Variants in TECR observed in about 807,000 individuals in gnomAD.
TECR encodes the protein trans-2,3-enoyl-CoA reductase, also known as very-long-chain enoyl-CoA reductase.
Under a neutral mutation model 50.6 loss-of-function variants are expected in TECR, and 19 were observed. The observed-to-expected ratio is 0.38, with a 90% CI of 0.26 to 0.55. The LOEUF (loss-of-function observed/expected upper bound fraction) is 0.55, where lower values mean the gene tolerates loss of function less well. Ranked by LOEUF, TECR falls within the 20% of genes least tolerant of loss-of-function variation. The pLI is 0.79. For synonymous variants in TECR, 168 were observed against 163.5 expected, an observed-to-expected ratio of 1.03 and a Z score of -0.21; for missense variants, 313 against 408.3, an observed-to-expected ratio of 0.77 and a Z score of 2.01.
chr19:14,565,423 GCGGC>G (rs1568433613), intron 11 of TECR, 133 bp downstream of exon 11: 1 of 1,364,838 alleles, frequency 7.3e-7, no homozygotes, highest in African/African-American at 1.4e-5. Context: ...GGTGGAGACC[GCGGC>G]CTCTCTGCTG....
chr19:14,538,397 G>A (rs1325767877), intron 1 of TECR, among the ~76,000 whole-genome samples: 1 of 152,094 alleles, frequency 6.6e-6, no homozygotes, highest in Non-Finnish European at 1.5e-5. Flanking sequence ...AGCATGCTTC[G>A]CGGCCCACAG....
chr19:14,543,197 C>T (rs2073160394), intron 1 of TECR, among the ~76,000 whole-genome samples: 1 of 148,956 alleles, frequency 6.7e-6, no homozygotes, highest in Non-Finnish European at 1.5e-5. Flanking sequence ...TTTCCCCAGA[C>T]ACCTCAAGTG....
chr19:14,532,028 AAAAG>A (rs1226521079), intron 1 of TECR: 3 of 150,638 alleles, frequency 2.0e-5, no homozygotes, highest in Non-Finnish European at 4.4e-5. Flanking sequence ...AAAAAAAAAA[AAAAG>A]CTACCATGTC....
At chr19:14,541,095 G>A (rs1215672008) in intron 1 of TECR, among the ~76,000 whole-genome samples, 2 of 152,128 alleles carry the variant, frequency 1.3e-5, no homozygotes, top group Non-Finnish European at 2.9e-5. Flanking sequence ...CGAAGTGCTG[G>A]GATTACAGGT....
intron 1 of TECR, among the ~76,000 whole-genome samples, chr19:14,551,858 T>A (rs2073520104): frequency 6.6e-6 from 1 of 151,824 alleles, no homozygotes; most frequent in Admixed American, 6.6e-5. Context: ...TTACCCTTAT[T>A]TCTTTATTTC....
intron 1 of TECR, chr19:14,530,447 T>C (rs1177813674): frequency 6.6e-6 from 1 of 152,256 alleles, no homozygotes; most frequent in Non-Finnish European, 1.5e-5. Context: ...CCCTGAATTA[T>C]TGCTGACTTT....
rs4926135 is a variant in TECR, at chr19:14,563,016, C to G, written c.67-190C>G. Reference sequence around the variant, plus strand: ...TGAGGGTAAAAGTGGAGCCCCAGACCCCTGCTGTCACTGCACTGGCAGGGC... The same window carrying G: ...TGAGGGTAAAAGTGGAGCCCCAGACGCCTGCTGTCACTGCACTGGCAGGGC... On this transcript the variant is annotated intron_variant, in intron 2 of 12. Transcript: ENST00000215567. The surrounding 1 kb of genome is among the most constrained non-coding windows in gnomAD (Gnocchi z 5.3). 1.5e-6 allele frequency: 1 copy of G among 667,502 alleles called. No homozygotes were observed. The highest frequency in any genetic ancestry group is 1.9e-5 in the South Asian group (1 of 53,932). The allele number at this position is 667,502 out of a possible 1,614,324, so 41.3% of individuals were successfully genotyped here. A position where few individuals can be genotyped will look rare whatever the true frequency, so the allele number is the denominator to read the frequency against.
chr19:14,542,347 G>GGTTTTTTTTTTTTTTT (rs2073124658), intron 1 of TECR, among the ~76,000 whole-genome samples: 1 of 43,282 alleles, frequency 2.3e-5, no homozygotes, highest in African/African-American at 8.1e-5. Flanking sequence ...ATGCCATAGT[G>GGTTTTTTTTTTTTTTT]TTTTTTTTTT....
chr19:14,546,107 G>A (rs1412833241), intron 1 of TECR, among the ~76,000 whole-genome samples: 1 of 152,140 alleles, frequency 6.6e-6, no homozygotes, highest in East Asian at 1.9e-4. Context: ...CGTCCCTGGG[G>A]ACCAAGTCCT....
intron 1 of TECR, among the ~76,000 whole-genome samples, chr19:14,552,371 C>G (rs968253581): frequency 7.3e-5 from 11 of 150,930 alleles, no homozygotes; most frequent in African/African-American, 2.4e-4. Context: ...GCCCTGCTCT[C>G]TAGGATGGAG....
At chr19:14,529,913 C>T in intron 1 of TECR, 1 of 740,964 alleles carries the variant, frequency 1.3e-6, no homozygotes, top group East Asian at 2.7e-5. Context: ...AAATCTGCAA[C>T]CCAGGCTGTT....
intron 1 of TECR, chr19:14,545,237 C>T: frequency 2.2e-6 from 1 of 456,464 alleles, no homozygotes; most frequent in Non-Finnish European, 4.4e-6. Context: ...AGCTGCTCCC[C>T]CTAAAATTTA....
At chr19:14,535,696 G>T (rs1391654389) in intron 1 of TECR, among the ~76,000 whole-genome samples, 10 of 137,316 alleles carry the variant, frequency 7.3e-5, no homozygotes, top group African/African-American at 2.8e-4. Context: ...TGGAGGTCGC[G>T]GACGAGCTGA....
chr19:14,553,410 C>G (rs1480575022), intron 1 of TECR, among the ~76,000 whole-genome samples: 1 of 152,154 alleles, frequency 6.6e-6, no homozygotes, highest in Admixed American at 6.5e-5. Flanking sequence ...TTCCTCCCCA[C>G]CCTGGGTGAC....
chr19:14,550,329 C>T lies in TECR; in HGVS notation c.16-12196C>T, dbSNP rs989699573. ...GCCGCCGCGTGTATAAAGCCTGCCACGTAGATCCCAGTCTAGGCTCTTTGG... is the reference window on the plus strand; with the variant it reads ...GCCGCCGCGTGTATAAAGCCTGCCATGTAGATCCCAGTCTAGGCTCTTTGG... On this transcript the variant is annotated intron_variant, in intron 1 of 12. Coordinates refer to ENST00000215567, the MANE Select transcript of TECR (RefSeq NM_138501.6). Among the ~76,000 whole-genome samples, 10 of 152,256 alleles carry T rather than the reference C, an allele frequency of 6.6e-5. No individual in the cohort carries two copies. The South Asian group carries it at 1.3e-3, about 19-fold the overall frequency.
At chr19:14,561,367 C>T (rs960020050) in intron 1 of TECR, among the ~76,000 whole-genome samples, 5 of 152,120 alleles carry the variant, frequency 3.3e-5, no homozygotes, top group Admixed American at 6.5e-5. Flanking sequence ...TGCCACGACC[C>T]CTGTATAATA....
Position 14,565,166 on chromosome 19 carries a change from G to A in TECR, c.665-36G>A, listed in dbSNP as rs748477238. 8 of 1,613,878 alleles carry A rather than the reference G, an allele frequency of 5.0e-6. No individual in the cohort carries two copies. In the Middle Eastern group the frequency reaches 1.2e-3, roughly 233 times the overall value. ...GCAGGGGGACAGCTGGGCTGGGTGA[G>A]GGGGTCTGACTTTCTCCTTCTGTCC... On this transcript the variant is annotated intron_variant, in intron 10 of 12. Transcript: ENST00000215567.
intron 1 of TECR, among the ~76,000 whole-genome samples, chr19:14,536,236 C>G (rs1265643072): frequency 6.6e-6 from 1 of 151,592 alleles, no homozygotes; most frequent in African/African-American, 2.4e-5. Flanking sequence ...GGTTTGGAGC[C>G]CACGGGCAAG....
chr19:14,553,967 T>C (rs958974738), intron 1 of TECR, among the ~76,000 whole-genome samples: 1 of 152,114 alleles, frequency 6.6e-6, no homozygotes, highest in African/African-American at 2.4e-5. Context: ...ACTCGGGAGA[T>C]GCTTCCTACC....
Sources: allele counts gnomAD v4.1 joint callset (sites outside exome capture counted in the v4.1 genomes callset), GRCh38; gene constraint gnomAD v4.1.1; non-coding constraint Gnocchi (gnomAD v3.1); transcripts MANE v1.5; gene names NCBI Gene and HGNC (gene_info 2026-07-23, HGNC 2026-07-21).